The following ADAMTS6 variants were observed in gnomAD, a reference collection of about 807,000 sequenced individuals.
ADAMTS6 encodes the protein ADAM metallopeptidase with thrombospondin type 1 motif 6.
ADAMTS6 carries 23 observed loss-of-function variants against 144.3 expected under a neutral mutation model. The observed-to-expected ratio is 0.16, with a 90% CI of 0.11 to 0.23. The LOEUF (loss-of-function observed/expected upper bound fraction) is 0.23. Among genes scored for constraint, ADAMTS6 ranks in the 10% least tolerant of loss-of-function variants. ADAMTS6 has a pLI of 1.00. For synonymous variants in ADAMTS6, 444 were observed against 457.5 expected (o/e 0.97, Z 0.38); for missense variants, 999 against 1,379.6 (o/e 0.72, Z 4.37).
chr5:65,291,856 A>T (rs192210058), intron 10 of ADAMTS6, among the ~76,000 whole-genome samples: 1 of 152,304 alleles, frequency 6.6e-6, no homozygotes, highest in East Asian at 1.9e-4. Context: ...TAAAAAAAAA[A>T]TAATTATGGT....
chr5:65,299,790 C>T (rs1444104455), intron 10 of ADAMTS6, among the ~76,000 whole-genome samples, 195 bp downstream of exon 10: 1 of 149,738 alleles, frequency 6.7e-6, no homozygotes, highest in African/African-American at 2.5e-5. Context: ...TACTCCACTT[C>T]CTCTATTCTA....
At chr5:65,196,258 T>C (rs1280502151) in intron 21 of ADAMTS6, among the ~76,000 whole-genome samples, 5 of 152,066 alleles carry the variant, frequency 3.3e-5, no homozygotes, top group South Asian at 4.1e-4. Context: ...AGGTCTTGGC[T>C]GGGCACGGTG....
chr5:65,174,113 G>A (rs780713054), intron 22 of ADAMTS6, among the ~76,000 whole-genome samples: 4 of 151,896 alleles, frequency 2.6e-5, no homozygotes, highest in Non-Finnish European at 4.4e-5. Context: ...CCTTTCATAC[G>A]AGAAACATTT....
chr5:65,413,590 T>C (rs932431202), intron 7 of ADAMTS6, among the ~76,000 whole-genome samples: 1 of 152,186 alleles, frequency 6.6e-6, no homozygotes, highest in Non-Finnish European at 1.5e-5. Context: ...AATGCTTTTA[T>C]CTAATGTCTG....
At chr5:65,237,539 C>T (rs1476265502) in intron 15 of ADAMTS6, among the ~76,000 whole-genome samples, 1 of 151,864 alleles carries the variant, frequency 6.6e-6, no homozygotes, top group African/African-American at 2.4e-5. Context: ...GAAATCTATT[C>T]TAAGGAAGAG....
chr5:65,319,756 G>C (rs1580382751), intron 9 of ADAMTS6, among the ~76,000 whole-genome samples: 1 of 125,722 alleles, frequency 8.0e-6, no homozygotes, highest in South Asian at 2.6e-4. Flanking sequence ...AAGGAAGGAA[G>C]GAAGGAAGGA....
At chr5:65,358,420 G>T (rs78738829) in intron 7 of ADAMTS6, among the ~76,000 whole-genome samples, 1 of 151,596 alleles carries the variant, frequency 6.6e-6, no homozygotes, top group Non-Finnish European at 1.5e-5. Flanking sequence ...ACCAAAATGT[G>T]CAATCAATAT....
At chr5:65,208,282 T>A (rs1756257342) in intron 20 of ADAMTS6, among the ~76,000 whole-genome samples, 1 of 152,234 alleles carries the variant, frequency 6.6e-6, no homozygotes, top group African/African-American at 2.4e-5. Flanking sequence ...GAATTACCTA[T>A]GGAACTTTTC....
chr5:65,192,853 G>C (rs1040111002), intron 21 of ADAMTS6, among the ~76,000 whole-genome samples: 3 of 151,754 alleles, frequency 2.0e-5, no homozygotes, highest in Non-Finnish European at 2.9e-5. Flanking sequence ...ATCAATGCCT[G>C]TTTTGTCTAT....
At chr5:65,268,373 C>A (rs1486791831) in intron 12 of ADAMTS6, among the ~76,000 whole-genome samples, 1 of 152,184 alleles carries the variant, frequency 6.6e-6, no homozygotes, top group Non-Finnish European at 1.5e-5. Flanking sequence ...AATGCCAACA[C>A]TACTATCAAA....
In ADAMTS6 at chr5:65,240,689, C is replaced by A. The variant is rs371925309; in HGVS notation, c.1933+1415G>T. 5.3e-5 allele frequency among the ~76,000 whole-genome samples: 8 copies of A among 152,224 alleles called. No homozygotes were observed. In the South Asian group the frequency reaches 1.5e-3, roughly 28 times the overall value. On this transcript the variant is annotated intron_variant, in intron 15 of 24. Coordinates refer to ENST00000381055, the MANE Select transcript of ADAMTS6 (RefSeq NM_197941.4). The stretch of plus-strand genomic sequence containing the variant: ...TTCACAACCCAGAAGAGGGCCCTCA[C>A]CAGACTCTAACCATGCTGACACTTT...
chr5:65,458,737 T>C (rs1759418010), intron 4 of ADAMTS6, among the ~76,000 whole-genome samples: 1 of 152,142 alleles, frequency 6.6e-6, no homozygotes, highest in African/African-American at 2.4e-5. Context: ...ACTAAATCTA[T>C]TTGTTGGTGA....
At chr5:65,171,940 A>G (rs1174872240) in intron 23 of ADAMTS6, among the ~76,000 whole-genome samples, 1 of 151,852 alleles carries the variant, frequency 6.6e-6, no homozygotes, top group Non-Finnish European at 1.5e-5. Context: ...TGGGCCTGCC[A>G]TCGAGAATAC....
At position 65,292,388 on chromosome 5, in the gene ADAMTS6, T is replaced by G. The variant is rs553419436; in HGVS notation, c.1371-918A>C. ...CTGTCCATTGTGCCAGCACTTGTGT[T>G]TTTTTTTTTTTTTTCCAAATCTTTT... On this transcript the variant is annotated intron_variant, in intron 10 of 24. Coordinates refer to ENST00000381055, the MANE Select transcript of ADAMTS6 (RefSeq NM_197941.4). 2.1e-3 allele frequency among the ~76,000 whole-genome samples: 307 copies of G among 148,892 alleles called. 1 individual carries two copies. Among genetic ancestry groups the G allele is most frequent in the African/African-American group, 6.9e-3 (279 of 40,682 alleles).
At chr5:65,374,327 T>C (rs1751291756) in intron 7 of ADAMTS6, among the ~76,000 whole-genome samples, 1 of 151,046 alleles carries the variant, frequency 6.6e-6, no homozygotes, top group Non-Finnish European at 1.5e-5. Flanking sequence ...TTGTCCCTGT[T>C]TGCAGACGAC....
chr5:65,354,898 T>C (rs1749182918), intron 7 of ADAMTS6, among the ~76,000 whole-genome samples: 1 of 151,794 alleles, frequency 6.6e-6, no homozygotes, highest in African/African-American at 2.4e-5. Context: ...TTATTAGCCC[T>C]AATATAGTTA....
intron 7 of ADAMTS6, among the ~76,000 whole-genome samples, chr5:65,347,259 G>C (rs1748413256): frequency 6.6e-6 from 1 of 151,654 alleles, no homozygotes; most frequent in Admixed American, 6.6e-5. Flanking sequence ...TCAACAAAAA[G>C]AACAAAGCTG....
chr5:65,372,021 T>G (rs898659454), intron 7 of ADAMTS6, among the ~76,000 whole-genome samples: 16 of 151,910 alleles, frequency 1.1e-4, no homozygotes, highest in Admixed American at 3.3e-4. Flanking sequence ...CCAGCCAAAT[T>G]AAGCTTCATA....
chr5:65,153,302 A>T (rs1752231659), intron 24 of ADAMTS6, among the ~76,000 whole-genome samples: 1 of 152,230 alleles, frequency 6.6e-6, no homozygotes, highest in Non-Finnish European at 1.5e-5. Flanking sequence ...TTACAAAGAG[A>T]TTAATAGCTA....
Sources: gnomAD v4.1 joint callset for allele counts (sites outside exome capture counted in the v4.1 genomes callset) on GRCh38, gnomAD v4.1.1 for gene constraint, MANE v1.5 for transcripts, NCBI Gene and HGNC (gene_info 2026-07-23, HGNC 2026-07-21) for gene names.